NLGN4X: variants seen among roughly 807,000 people sequenced by gnomAD.
NLGN4X encodes the protein neuroligin-4, X-linked.
NLGN4X carries 3 observed loss-of-function variants against 40.3 expected under a neutral mutation model. That is an observed-to-expected ratio of 0.07 (90% CI 0.03 to 0.19). The LOEUF (loss-of-function observed/expected upper bound fraction) is 0.19. NLGN4X is among the 10% of genes least tolerant of loss of function. The probability of loss-of-function intolerance (pLI) is 1.00; values close to 1 mark genes in which losing one functional copy is unlikely to be tolerated. For missense variants in NLGN4X, 382 were observed against 708.3 expected, an observed-to-expected ratio of 0.54 and a Z score of 5.23; for synonymous variants, 270 against 306.8, an observed-to-expected ratio of 0.88 and a Z score of 1.25.
intron 3 of NLGN4X, among the ~76,000 whole-genome samples, chrX:5,973,868 G>C (rs1247996782): frequency 8.9e-6 from 1 of 111,836 alleles, no homozygotes; most frequent in Admixed American, 9.5e-5. Flanking sequence ...ACTGCACTAG[G>C]GTTTATGGTA....
intron 3 of NLGN4X, among the ~76,000 whole-genome samples, chrX:5,962,934 C>T (rs933694110): frequency 1.1e-5 from 1 of 92,285 alleles, no homozygotes; most frequent in Non-Finnish European, 2.2e-5. Context: ...ATTACCCCCC[C>T]CCACCCCCAC....
intron 1 of NLGN4X, among the ~76,000 whole-genome samples, chrX:6,199,783 C>A (rs1244245419): frequency 8.9e-6 from 1 of 112,003 alleles, no homozygotes; most frequent in East Asian, 2.8e-4. Flanking sequence ...GACATTAATA[C>A]AGATGAGGAA....
chrX:5,959,258 T>C (rs1436118252), intron 3 of NLGN4X, among the ~76,000 whole-genome samples: 1 of 112,261 alleles, frequency 8.9e-6, no homozygotes, highest in Non-Finnish European at 1.9e-5. Context: ...TGGCTGAGCG[T>C]AGGACTAAAG....
chrX:6,110,919 G>T (rs916595689), intron 2 of NLGN4X, among the ~76,000 whole-genome samples: 9 of 111,462 alleles, frequency 8.1e-5, no homozygotes, highest in African/African-American at 2.9e-4. Flanking sequence ...TTTTGCATTA[G>T]AAGTGACAGG....
intron 3 of NLGN4X, among the ~76,000 whole-genome samples, chrX:5,986,392 G>T (rs2035531077): frequency 9.0e-6 from 1 of 111,561 alleles, no homozygotes; most frequent in Non-Finnish European, 1.9e-5. Flanking sequence ...AAATAAACTA[G>T]ACCTCTTACA....
intron 2 of NLGN4X, among the ~76,000 whole-genome samples, chrX:6,131,814 T>C (rs1259309493): frequency 8.9e-6 from 1 of 112,085 alleles, no homozygotes; most frequent in Non-Finnish European, 1.9e-5. Context: ...TTTGTTCAAT[T>C]GCTCCACATT....
intron 1 of NLGN4X, among the ~76,000 whole-genome samples, chrX:6,215,537 G>A (rs1454408197): frequency 2.6e-4 from 22 of 86,131 alleles, no homozygotes; most frequent in African/African-American, 1.1e-3. Context: ...TAACGAAAGC[G>A]AAACTCCGTC....
chrX:6,058,597 C>A (rs1434638795), intron 2 of NLGN4X, among the ~76,000 whole-genome samples: 2 of 111,806 alleles, frequency 1.8e-5, no homozygotes, highest in African/African-American at 6.5e-5. Context: ...TAAGAGTTAA[C>A]AACTTACTTA....
chrX:6,093,168 C>G (rs1034166909), intron 2 of NLGN4X, among the ~76,000 whole-genome samples: 1 of 111,956 alleles, frequency 8.9e-6, no homozygotes, highest in African/African-American at 3.2e-5. Context: ...TCAAAACCAA[C>G]TGACATCTGT....
chrX:6,213,499 G>T (rs1348489173), intron 1 of NLGN4X, among the ~76,000 whole-genome samples: 1 of 112,026 alleles, frequency 8.9e-6, no homozygotes, highest in Non-Finnish European at 1.9e-5. Context: ...ACGTACTAAT[G>T]TTGGTTCCTT....
chrX:5,913,591 A>G (rs1018084376), intron 3 of NLGN4X, among the ~76,000 whole-genome samples: 6 of 112,113 alleles, frequency 5.4e-5, no homozygotes, highest in Admixed American at 4.7e-4. Flanking sequence ...CTCTCCTCCA[A>G]TAATTGAACA....
chrX:5,930,871 C>G (rs2033522033), intron 3 of NLGN4X, among the ~76,000 whole-genome samples: 1 of 111,900 alleles, frequency 8.9e-6, no homozygotes, highest in African/African-American at 3.2e-5. Flanking sequence ...TTCAATTGCT[C>G]TAGCTCATCC....
intron 3 of NLGN4X, among the ~76,000 whole-genome samples, chrX:5,988,292 C>T (rs2035584859): frequency 8.9e-6 from 1 of 111,924 alleles, no homozygotes; most frequent in Non-Finnish European, 1.9e-5. Context: ...CTTAACACTA[C>T]AGTTATTCTT....
At chrX:5,979,168 G>A (rs766804044) in intron 3 of NLGN4X, among the ~76,000 whole-genome samples, 3 of 110,914 alleles carry the variant, frequency 2.7e-5, no homozygotes, top group African/African-American at 6.5e-5. Flanking sequence ...TATTAAAAGC[G>A]AAGTAACAGA....
intron 3 of NLGN4X, among the ~76,000 whole-genome samples, chrX:5,921,082 T>C (rs1209855720): frequency 2.8e-5 from 3 of 106,667 alleles, no homozygotes; most frequent in African/African-American, 1.0e-4. Context: ...TTCATGTGCT[T>C]TTGTATAGAA....
chrX:6,212,155 A>G (rs1018770158), intron 1 of NLGN4X, among the ~76,000 whole-genome samples: 6 of 109,475 alleles, frequency 5.5e-5, no homozygotes, highest in African/African-American at 1.7e-4. Flanking sequence ...CTGAGACAGG[A>G]GAATGGCTTG....
intron 3 of NLGN4X, among the ~76,000 whole-genome samples, chrX:5,924,219 T>C (rs1221221932): frequency 8.9e-6 from 1 of 111,811 alleles, no homozygotes; most frequent in Non-Finnish European, 1.9e-5. Context: ...TATGGAATCA[T>C]GGCTAAATTT....
intron 2 of NLGN4X, among the ~76,000 whole-genome samples, chrX:6,076,458 G>A (rs1163941772): frequency 2.7e-5 from 3 of 111,976 alleles, no homozygotes; most frequent in African/African-American, 6.5e-5. Context: ...GCTTTTGTAT[G>A]ACTCTGGCAA....
intron 2 of NLGN4X, among the ~76,000 whole-genome samples, chrX:6,066,177 T>C (rs2037911336): frequency 8.9e-6 from 1 of 112,015 alleles, no homozygotes. Flanking sequence ...TTCCCATGTT[T>C]TCCTCTTCCT....
Sources: gnomAD v4.1 joint callset for allele counts (sites outside exome capture counted in the v4.1 genomes callset) on GRCh38, gnomAD v4.1.1 for gene constraint, MANE v1.5 for transcripts, NCBI Gene and HGNC (gene_info 2026-07-23, HGNC 2026-07-21) for gene names.